CNGB3: variants seen among roughly 807,000 people sequenced by gnomAD.
CNGB3 encodes the protein cyclic nucleotide-gated channel beta-3.
A neutral mutation model predicts 92.8 loss-of-function variants in CNGB3; 86 were observed. The observed-to-expected ratio is 0.93, with a 90% CI of 0.78 to 1.11. The LOEUF (loss-of-function observed/expected upper bound fraction) is 1.11. Among genes scored for constraint, CNGB3 ranks in the 50% least tolerant of loss-of-function variants. The pLI is 0.00. For missense variants in CNGB3, 1,026 were observed against 956.8 expected (o/e 1.07, Z -0.95); for synonymous variants, 333 against 332.7 (o/e 1.00, Z -0.01).
chr8:86,594,643 G>T, intron 15 of CNGB3: 1 of 203,578 alleles, frequency 4.9e-6, no homozygotes. Context: ...GACACCTGCT[G>T]AGGGATGTCT....
chr8:86,682,675 C>G (rs1824104101), intron 3 of CNGB3, among the ~76,000 whole-genome samples: 1 of 152,082 alleles, frequency 6.6e-6, no homozygotes, highest in Non-Finnish European at 1.5e-5. Context: ...CAAAACAATT[C>G]AATCCTCTAA....
intron 2 of CNGB3, among the ~76,000 whole-genome samples, chr8:86,733,256 C>T (rs1825190357): frequency 6.6e-6 from 1 of 152,130 alleles, no homozygotes; most frequent in South Asian, 2.1e-4. Context: ...ATCCATGTTG[C>T]TGCAAAGGAC....
chr8:86,743,147 G>T (rs781671320), intron 1 of CNGB3, among the ~76,000 whole-genome samples: 1 of 152,088 alleles, frequency 6.6e-6, no homozygotes, highest in African/African-American at 2.4e-5. Flanking sequence ...TTAACATGTG[G>T]TTTATGAAGA....
intron 3 of CNGB3, among the ~76,000 whole-genome samples, chr8:86,718,581 T>A (rs999615173): frequency 5.9e-5 from 9 of 152,020 alleles, no homozygotes; most frequent in Non-Finnish European, 7.4e-5. Context: ...CTGAACCCTA[T>A]CAGACATTCA....
At chr8:86,594,266 C>T (rs144350365) in intron 15 of CNGB3, 284 of 260,846 alleles carry the variant, frequency 1.1e-3, no homozygotes, top group Admixed American at 1.7e-3. Flanking sequence ...GGTGAGCTTT[C>T]GGATGCCCTC....
At chr8:86,658,075 C>T (rs959061909) in intron 6 of CNGB3, 10 of 528,120 alleles carry the variant, frequency 1.9e-5, no homozygotes, top group African/African-American at 1.8e-4. Flanking sequence ...CTCCATGGCC[C>T]CCTGCAGGGC....
intron 3 of CNGB3, among the ~76,000 whole-genome samples, chr8:86,698,918 C>G (rs1431730051): frequency 6.6e-6 from 1 of 152,156 alleles, no homozygotes; most frequent in Non-Finnish European, 1.5e-5. Context: ...TGTCTCCTCC[C>G]TTCCCCATTA....
chr8:86,633,288 A>C (rs1822998144), intron 10 of CNGB3, among the ~76,000 whole-genome samples: 1 of 152,170 alleles, frequency 6.6e-6, no homozygotes, highest in Admixed American at 6.5e-5. Context: ...TTGAAACCAA[A>C]TGTCTGAAAC....
At chr8:86,717,045 A>G (rs902506184) in intron 3 of CNGB3, among the ~76,000 whole-genome samples, 2 of 152,174 alleles carry the variant, frequency 1.3e-5, no homozygotes, top group African/African-American at 4.8e-5. Context: ...GCAAATGGAC[A>G]CCAAAAGCGA....
intron 3 of CNGB3, among the ~76,000 whole-genome samples, chr8:86,686,543 T>A (rs16916832): frequency 1.8e-4 from 28 of 152,022 alleles, no homozygotes; most frequent in Admixed American, 1.2e-3. Context: ...TCTTTTTAAT[T>A]TGATATTTGA....
chr8:86,694,625 T>A (rs1219680712), intron 3 of CNGB3, among the ~76,000 whole-genome samples: 1 of 139,578 alleles, frequency 7.2e-6, no homozygotes, highest in Non-Finnish European at 1.5e-5. Context: ...CCAGACAGGG[T>A]CGCGGCCGGG....
intron 15 of CNGB3, among the ~76,000 whole-genome samples, chr8:86,592,296 G>A (rs537003665): frequency 1.1e-3 from 172 of 152,284 alleles, no homozygotes; most frequent in African/African-American, 6.7e-4. Flanking sequence ...GAAATCACCC[G>A]TCTTCTGCGT....
intron 4 of CNGB3, among the ~76,000 whole-genome samples, chr8:86,670,383 T>C (rs1326956323): frequency 6.6e-6 from 1 of 152,192 alleles, no homozygotes; most frequent in Non-Finnish European, 1.5e-5. Flanking sequence ...AGGTCACCTG[T>C]AGGAGGCTTC....
At position 86,651,712 on chromosome 8, in the gene CNGB3, T is replaced by C. The variant is rs548844690; in HGVS notation, c.903+2300A>G. Among the ~76,000 whole-genome samples the C allele has an allele frequency of 7.2e-5, 11 of 152,040 alleles. No homozygotes were observed. In the East Asian group the frequency reaches 2.1e-3, roughly 29 times the overall value. The stretch of plus-strand genomic sequence containing the variant: ...CACAGATTTGTGTAGACAGAGATAA[T>C]TTATTTCTCATTGAACTGTAGAAAA... On this transcript the variant is annotated intron_variant, in intron 7 of 17. Transcript: ENST00000320005.
intron 3 of CNGB3, among the ~76,000 whole-genome samples, chr8:86,688,819 C>T (rs1035457303): frequency 2.8e-4 from 43 of 151,210 alleles, no homozygotes; most frequent in African/African-American, 1.0e-3. Flanking sequence ...TCTGCTCTGA[C>T]TATTTGTTTT....
chr8:86,628,807 T>C (rs748877401), intron 12 of CNGB3, 112 bp downstream of exon 12: 4 of 1,131,020 alleles, frequency 3.5e-6, no homozygotes, highest in East Asian at 2.4e-5. Context: ...TTAAGGATCA[T>C]TTAGTTGTTT....
At chr8:86,636,795 C>T (rs749798759) in intron 10 of CNGB3, among the ~76,000 whole-genome samples, 14 of 151,962 alleles carry the variant, frequency 9.2e-5, no homozygotes, top group Admixed American at 7.2e-4. Flanking sequence ...TCTACTACTA[C>T]GAAATTGACT....
chr8:86,595,569 T>G (rs1054376842), intron 15 of CNGB3, among the ~76,000 whole-genome samples: 2 of 152,196 alleles, frequency 1.3e-5, no homozygotes, highest in African/African-American at 4.8e-5. Flanking sequence ...TTAACACAGG[T>G]AGTGCTTACA....
At chr8:86,629,210 T>G in intron 11 of CNGB3, 132 bp from the exon 12 acceptor site, 1 of 1,098,870 alleles carries the variant, frequency 9.1e-7, no homozygotes, top group Non-Finnish European at 1.4e-6. Flanking sequence ...TCATTCATTT[T>G]TATTTTATTT....
Sources: allele counts gnomAD v4.1 joint callset (sites outside exome capture counted in the v4.1 genomes callset), GRCh38; gene constraint gnomAD v4.1.1; transcripts MANE v1.5; gene names NCBI Gene and HGNC (gene_info 2026-07-23, HGNC 2026-07-21).